ACTL8: variants seen among roughly 807,000 people sequenced by gnomAD.
ACTL8 encodes the protein actin-like protein 8.
ACTL8 carries 3 observed loss-of-function variants against 9.3 expected under a neutral mutation model. The ratio of observed to expected loss-of-function variants is 0.32; its 90% CI spans 0.15 to 0.83. The LOEUF (loss-of-function observed/expected upper bound fraction) is 0.83. Among genes scored for constraint, ACTL8 ranks in the 40% least tolerant of loss-of-function variants. The pLI, the probability that ACTL8 is intolerant of heterozygous loss-of-function variation, is 0.57. For synonymous variants in ACTL8, 224 were observed against 205.9 expected (o/e 1.09, Z -0.75); for missense variants, 381 against 492.2 (o/e 0.77, Z 2.14).
intron 1 of ACTL8, among the ~76,000 whole-genome samples, chr1:17,815,659 T>G (rs112422448): frequency 0.023 from 3,474 of 152,290 alleles, 129 homozygotes; most frequent in African/African-American, 0.077. Flanking sequence ...TTGAATTTAT[T>G]TTCTATGGGG....
At chr1:17,804,967 G>A (rs1161047578) in intron 1 of ACTL8, among the ~76,000 whole-genome samples, 1 of 151,994 alleles carries the variant, frequency 6.6e-6, no homozygotes, top group Non-Finnish European at 1.5e-5. Flanking sequence ...CCTAACACTT[G>A]GGACAGACGG....
chr1:17,782,325 G>T (rs2066161733), intron 1 of ACTL8, among the ~76,000 whole-genome samples: 1 of 152,190 alleles, frequency 6.6e-6, no homozygotes, highest in Admixed American at 6.5e-5. Context: ...TTACAAGAGA[G>T]AATACGGGCG....
At chr1:17,773,703 C>T (rs550238769) in intron 1 of ACTL8, among the ~76,000 whole-genome samples, 2 of 152,316 alleles carry the variant, frequency 1.3e-5, no homozygotes, top group South Asian at 2.1e-4. Context: ...GGGCGACATT[C>T]GTGACCTTTC....
chr1:17,808,600 A>G (rs11808771), intron 1 of ACTL8, among the ~76,000 whole-genome samples: 3,507 of 152,300 alleles, frequency 0.023, 128 homozygotes, highest in African/African-American at 0.077. Flanking sequence ...TTGGGTTTTT[A>G]TGCGGAGCAA....
intron 2 of ACTL8, among the ~76,000 whole-genome samples, chr1:17,824,889 C>G (rs1280676618): frequency 2.0e-5 from 3 of 151,970 alleles, no homozygotes; most frequent in African/African-American, 7.3e-5. Flanking sequence ...TGAGAAATGG[C>G]TGGTGGGGGG....
chr1:17,761,628 T>TG (rs937008937), intron 1 of ACTL8, among the ~76,000 whole-genome samples: 7 of 151,984 alleles, frequency 4.6e-5, no homozygotes, highest in African/African-American at 1.5e-4. Context: ...TGGAGTGCAG[T>TG]GGTGTGATCT....
chr1:17,756,004 C>T (rs1007962718), intron 1 of ACTL8, among the ~76,000 whole-genome samples: 2 of 151,692 alleles, frequency 1.3e-5, no homozygotes, highest in African/African-American at 2.4e-5. Context: ...TTTTTGAGGA[C>T]GTTTACTCTG....
chr1:17,757,636 C>A (rs922320483), intron 1 of ACTL8, among the ~76,000 whole-genome samples: 1 of 152,170 alleles, frequency 6.6e-6, no homozygotes, highest in African/African-American at 2.4e-5. Context: ...TGTCACTAGC[C>A]CCTAGCTGTG....
intron 1 of ACTL8, among the ~76,000 whole-genome samples, chr1:17,792,206 C>T (rs1015907657): frequency 3.3e-5 from 5 of 152,226 alleles, no homozygotes; most frequent in Admixed American, 6.5e-5. Context: ...AGGCAAGTCT[C>T]GCTGCTCAGT....
rs771910306 is a variant in ACTL8 at position 17,826,030 on chromosome 1, C to T, written c.612C>T (p.Val204=). 23 of 1,606,374 alleles carry T rather than the reference C, an allele frequency of 1.4e-5. No homozygotes were observed. The African/African-American group carries it at 1.7e-4, about 12-fold the overall frequency. The change falls in exon 3 of 3, where the codon GTC becomes GTT. Residue 204 remains valine, a synonymous_variant. Transcript: ENST00000375406. This position sits in a 1 kb window ranked among gnomAD's most constrained non-coding sequence, Gnocchi z 4.5. ...DRRCLFQLET[V]AVTQMNKCYV... ...GCTGCCTGTTTCAGCTGGAGACAGT[C>T]GCCGTGACTCAGATGAACAAGTGCT...
At chr1:17,804,343 C>T (rs944945844) in intron 1 of ACTL8, among the ~76,000 whole-genome samples, 1 of 152,168 alleles carries the variant, frequency 6.6e-6, no homozygotes, top group Non-Finnish European at 1.5e-5. Context: ...AGTGTCTCCT[C>T]CTCTGATTGG....
At chr1:17,782,539 T>C (rs1028974151) in intron 1 of ACTL8, among the ~76,000 whole-genome samples, 7 of 152,206 alleles carry the variant, frequency 4.6e-5, no homozygotes, top group African/African-American at 1.7e-4. Flanking sequence ...TTCTTCTCTG[T>C]ATTTTATTTG....
intron 1 of ACTL8, among the ~76,000 whole-genome samples, chr1:17,818,657 C>G (rs947916225): frequency 2.0e-5 from 3 of 152,174 alleles, no homozygotes; most frequent in Admixed American, 6.5e-5. Flanking sequence ...TATTCCCTCA[C>G]TTCATTCAGT....
chr1:17,763,015 A>G (rs1569990276), intron 1 of ACTL8, among the ~76,000 whole-genome samples: 1 of 152,194 alleles, frequency 6.6e-6, no homozygotes, highest in South Asian at 2.1e-4. Context: ...GCGGTGGGGA[A>G]GTGCTTACCT....
At chr1:17,803,711 C>A (rs2066339474) in intron 1 of ACTL8, among the ~76,000 whole-genome samples, 1 of 152,142 alleles carries the variant, frequency 6.6e-6, no homozygotes, top group Non-Finnish European at 1.5e-5. Flanking sequence ...AGAGTGTATG[C>A]TGCATTGGTC....
At chr1:17,786,791 C>T (rs1249292663) in intron 1 of ACTL8, among the ~76,000 whole-genome samples, 2 of 152,142 alleles carry the variant, frequency 1.3e-5, no homozygotes, top group African/African-American at 4.8e-5. Context: ...CCTCGAGCTC[C>T]TCAAGCAATC....
In ACTL8 at chr1:17,758,647, C is replaced by T. The variant is rs1445364712; in HGVS notation, c.-25+3143C>T. 2.0e-5 allele frequency among the ~76,000 whole-genome samples: 3 copies of T among 152,290 alleles called. No homozygotes were observed. In the South Asian group the frequency reaches 6.2e-4, roughly 32 times the overall value. On this transcript the variant is annotated intron_variant, in intron 1 of 2. Coordinates refer to ENST00000375406, the MANE Select transcript of ACTL8 (RefSeq NM_030812.3). ...ACATACCCAGACAGTTCTGGAGTTA[C>T]TTGGCACTAACTCTGAACTGATGCT... is the stretch of plus-strand genomic sequence containing the variant.
chr1:17,825,000 G>C (rs941252298), intron 2 of ACTL8, among the ~76,000 whole-genome samples: 1 of 151,606 alleles, frequency 6.6e-6, no homozygotes, highest in Non-Finnish European at 1.5e-5. Context: ...TGGGACCACA[G>C]AAGGGTTGAC....
In ACTL8 at chr1:17,807,929, A is replaced by G. The variant is rs1367415123; in HGVS notation, c.-24-15056A>G. On this transcript the variant is annotated intron_variant, in intron 1 of 2. Coordinates refer to ENST00000375406, the MANE Select transcript of ACTL8 (RefSeq NM_030812.3). ...GATGGGTGCAGCAAACTACCATGGC[A>G]CGTGTATACCTGTGTAACAAAATTG... Among the ~76,000 whole-genome samples the G allele has an allele frequency of 2.0e-5, 3 of 152,184 alleles. No individual in the cohort carries two copies. In the East Asian group the frequency reaches 5.8e-4, roughly 29 times the overall value.
Sources: gnomAD v4.1 joint callset for allele counts (sites outside exome capture counted in the v4.1 genomes callset) on GRCh38, gnomAD v4.1.1 for gene constraint, Gnocchi (gnomAD v3.1) non-coding constraint, MANE v1.5 for transcripts, NCBI Gene and HGNC (gene_info 2026-07-23, HGNC 2026-07-21) for gene names.